Variants in RIMS1 observed in about 807,000 individuals in gnomAD.
The protein encoded by RIMS1 is regulating synaptic membrane exocytosis 1, also known as regulating synaptic membrane exocytosis protein 1.
Under a neutral mutation model 214.1 loss-of-function variants are expected in RIMS1, and 83 were observed. That is an observed-to-expected ratio of 0.39 (90% CI 0.32 to 0.47). The LOEUF is 0.47. Ranked by LOEUF, RIMS1 falls within the 20% of genes least tolerant of loss-of-function variation. The probability of loss-of-function intolerance (pLI) is 0.99; values close to 1 mark genes in which losing one functional copy is unlikely to be tolerated. For missense variants in RIMS1, 2,050 were observed against 2,161.8 expected (o/e 0.95, Z 1.03); for synonymous variants, 793 against 786.8 (o/e 1.01, Z -0.13).
intron 2 of RIMS1, among the ~76,000 whole-genome samples, chr6:72,041,830 GGATA>G (rs1390955697): frequency 1.3e-5 from 2 of 151,858 alleles, no homozygotes; most frequent in East Asian, 1.9e-4. Context: ...TAACCCTATA[GGATA>G]GATACTCTTC....
At chr6:72,074,500 C>T (rs1383757457) in intron 2 of RIMS1, among the ~76,000 whole-genome samples, 1 of 151,954 alleles carries the variant, frequency 6.6e-6, no homozygotes, top group African/African-American at 2.4e-5. Context: ...CCCATCTCTA[C>T]AAAATATACA....
At chr6:72,105,433 A>G (rs529485037) in intron 4 of RIMS1, among the ~76,000 whole-genome samples, 1 of 152,170 alleles carries the variant, frequency 6.6e-6, no homozygotes, top group Non-Finnish European at 1.5e-5. Context: ...ATTCAATTGC[A>G]TTTCATCACT....
chr6:72,330,594 C>T (rs143011088), intron 28 of RIMS1, among the ~76,000 whole-genome samples: 138 of 151,630 alleles, frequency 9.1e-4, no homozygotes, highest in African/African-American at 3.1e-3. Context: ...AAACAAAGGA[C>T]CAGGAGACAA....
intron 1 of RIMS1, among the ~76,000 whole-genome samples, chr6:71,921,213 C>CA (rs1341094099): frequency 6.6e-6 from 1 of 152,116 alleles, no homozygotes; most frequent in African/African-American, 2.4e-5. Flanking sequence ...CTCTGCCTCC[C>CA]AGGTTCAAGC....
At chr6:72,237,000 A>C (rs1227684618) in intron 8 of RIMS1, among the ~76,000 whole-genome samples, 2 of 151,994 alleles carry the variant, frequency 1.3e-5, no homozygotes, top group African/African-American at 4.8e-5. Flanking sequence ...GGAGTTAGGA[A>C]CCAGCCTGGT....
At chr6:71,967,840 C>T (rs554863935) in intron 1 of RIMS1, among the ~76,000 whole-genome samples, 59 of 152,196 alleles carry the variant, frequency 3.9e-4, no homozygotes, top group African/African-American at 1.4e-3. Flanking sequence ...TGTGTGTGCA[C>T]GTTTCTGTGT....
chr6:71,887,778 C>T (rs1054686683), intron 1 of RIMS1, among the ~76,000 whole-genome samples: 7 of 152,184 alleles, frequency 4.6e-5, no homozygotes, highest in Non-Finnish European at 1.0e-4. Flanking sequence ...GCCTCCCCAG[C>T]TTCTCTTTAA....
chr6:72,066,528 C>A (rs987012389), intron 2 of RIMS1, among the ~76,000 whole-genome samples: 1 of 152,158 alleles, frequency 6.6e-6, no homozygotes, highest in Non-Finnish European at 1.5e-5. Context: ...GAAACTGGAT[C>A]CTTTTCTTCT....
intron 28 of RIMS1, among the ~76,000 whole-genome samples, chr6:72,333,396 C>T (rs1425923492): frequency 6.6e-6 from 1 of 151,732 alleles, no homozygotes; most frequent in Non-Finnish European, 1.5e-5. Context: ...GTTGAAATGG[C>T]ATTGTTTTAA....
At chr6:72,088,118 A>G (rs1835139003) in intron 2 of RIMS1, among the ~76,000 whole-genome samples, 1 of 152,114 alleles carries the variant, frequency 6.6e-6, no homozygotes. Flanking sequence ...CTGCTGATTT[A>G]TTTGGAATAT....
chr6:72,260,014 A>C (rs1194206385), intron 18 of RIMS1, among the ~76,000 whole-genome samples: 1 of 152,126 alleles, frequency 6.6e-6, no homozygotes, highest in African/African-American at 2.4e-5. Flanking sequence ...ATGGAGTCAC[A>C]ATAGGTACTA....
intron 1 of RIMS1, among the ~76,000 whole-genome samples, chr6:71,966,670 C>A (rs963059622): frequency 5.3e-5 from 8 of 152,066 alleles, no homozygotes; most frequent in African/African-American, 1.9e-4. Context: ...TACAGGCATA[C>A]CCCACACACC....
rs552247029 is a variant in RIMS1, at chr6:72,182,394, G to T, written c.923G>T (p.Arg308Leu). 1 of 1,613,818 alleles carries T rather than the reference G, an allele frequency of 6.2e-7. No homozygotes were observed. Among genetic ancestry groups the T allele is most frequent in the African/African-American group, 1.3e-5 (1 of 74,948 alleles). ...AQPVEGAVEE[R>L]ERKERRESRR... is the part of the protein sequence containing the mutation. ...CCCGTGGAGGGGGCCGTCGAAGAAC[G>T]GGAGCGCAAAGAAAGGCGGGAAAGC... Residue 308 changes from arginine (R) to leucine (L), a missense_variant, in exon 6 of 34, where the codon CGG becomes CTG. This residue lies in a region of RIMS1 where 882 missense variants were observed against 828.9 expected (regional missense o/e 1.06). Transcript: ENST00000521978.
At chr6:72,344,663 A>T (rs1237485498) in intron 29 of RIMS1, among the ~76,000 whole-genome samples, 1 of 151,780 alleles carries the variant, frequency 6.6e-6, no homozygotes, top group Non-Finnish European at 1.5e-5. Context: ...GAAACCATCA[A>T]ATGAATGTAA....
chr6:71,908,800 T>C (rs1365733945), intron 1 of RIMS1, among the ~76,000 whole-genome samples: 1 of 152,152 alleles, frequency 6.6e-6, no homozygotes, highest in African/African-American at 2.4e-5. Flanking sequence ...TTTACAGTGT[T>C]TCTCCTACCA....
chr6:71,941,667 T>C (rs1468439650), intron 1 of RIMS1, among the ~76,000 whole-genome samples: 4 of 152,196 alleles, frequency 2.6e-5, no homozygotes, highest in Non-Finnish European at 4.4e-5. Context: ...TTGCTCCATA[T>C]TATGTCTGCT....
At chr6:72,104,790 GT>G (rs201264489) in intron 4 of RIMS1, among the ~76,000 whole-genome samples, 2 of 151,720 alleles carry the variant, frequency 1.3e-5, no homozygotes, top group South Asian at 2.1e-4. Flanking sequence ...TTAAATGACT[GT>G]TTTTTTTTAA....
At chr6:72,260,606 C>G in intron 18 of RIMS1, 99 bp from the exon 19 acceptor site, 1 of 1,485,694 alleles carries the variant, frequency 6.7e-7, no homozygotes, top group African/African-American at 1.4e-5. Flanking sequence ...TGCAGACAAT[C>G]TGGTTTCTTC....
At chr6:71,996,431 T>C (rs1399371890) in intron 2 of RIMS1, among the ~76,000 whole-genome samples, 1 of 152,214 alleles carries the variant, frequency 6.6e-6, no homozygotes, top group African/African-American at 2.4e-5. Context: ...ATTATGTTTT[T>C]CAAATTTATA....
Sources: gnomAD v4.1 joint callset for allele counts (sites outside exome capture counted in the v4.1 genomes callset) on GRCh38, gnomAD v4.1.1 for gene constraint, gnomAD v4.1.1 regional missense constraint, MANE v1.5 for transcripts, NCBI Gene and HGNC (gene_info 2026-07-23, HGNC 2026-07-21) for gene names.